Variants in DIPK2B observed in about 807,000 individuals in gnomAD.
The protein encoded by DIPK2B is UPF0672 protein CXorf36.
DIPK2B carries 15 observed loss-of-function variants against 22.2 expected under a neutral mutation model. The ratio of observed to expected loss-of-function variants is 0.68; its 90% CI spans 0.45 to 1.04. The LOEUF (loss-of-function observed/expected upper bound fraction) is 1.04. Among genes scored for constraint, DIPK2B ranks in the 50% least tolerant of loss-of-function variants. The probability of loss-of-function intolerance (pLI) is 0.00; values close to 1 mark genes in which losing one functional copy is unlikely to be tolerated. For synonymous variants in DIPK2B, 163 were observed against 153.2 expected (o/e 1.06, Z -0.47); for missense variants, 345 against 348.3 (o/e 0.99, Z 0.08).
chrX:45,187,567 G>A (rs771177076), intron 2 of DIPK2B, among the ~76,000 whole-genome samples: 1 of 110,829 alleles, frequency 9.0e-6, no homozygotes, highest in East Asian at 2.9e-4. Context: ...CAGCCCTGCC[G>A]TAGCTGTACT....
intron 2 of DIPK2B, among the ~76,000 whole-genome samples, chrX:45,182,725 G>A (rs1403923228): frequency 8.8e-6 from 1 of 113,168 alleles, no homozygotes; most frequent in Non-Finnish European, 1.9e-5. Context: ...ACGGATTCAC[G>A]CAACAACATG....
chrX:45,164,809 T>C (rs1438342178), intron 2 of DIPK2B, among the ~76,000 whole-genome samples: 1 of 111,870 alleles, frequency 8.9e-6, no homozygotes, highest in East Asian at 2.8e-4. Context: ...TAGTGGCACA[T>C]GCCTGTAGTC....
chrX:45,191,459 G>C lies in DIPK2B; in HGVS notation c.498+292C>G, dbSNP rs767915670. 11 of 320,799 alleles carry C rather than the reference G, an allele frequency of 3.4e-5. No individual in the cohort carries two copies. The East Asian group carries it at 5.8e-4, about 17-fold the overall frequency. 26.4% of individuals were successfully genotyped at this position (320,799 alleles called of 1,213,427 possible). On this transcript the variant is annotated intron_variant, in intron 2 of 4. Transcript: ENST00000398000. Reference sequence around the variant, plus strand: ...CCTGGCAGAGGGGTGGACTGGCAAGGGTCATCCTGTCAGATCTTCAGGCCA... The same window carrying C: ...CCTGGCAGAGGGGTGGACTGGCAAGCGTCATCCTGTCAGATCTTCAGGCCA...
intron 2 of DIPK2B, among the ~76,000 whole-genome samples, chrX:45,169,704 C>T (rs5952703): frequency 1.8e-5 from 2 of 111,180 alleles, no homozygotes; most frequent in Non-Finnish European, 3.8e-5. Context: ...CAGGCTGTGG[C>T]GTGCTTTGTA....
At chrX:45,162,333 TGGTTTAATACACAACA>T in intron 2 of DIPK2B, 1 of 720,094 alleles carries the variant, frequency 1.4e-6, no homozygotes, top group Middle Eastern at 8.0e-4. Context: ...TGTGTTGAAA[TGGTTTAATACACAACA>T]ATAGATAACT....
chrX:45,170,022 T>A (rs1569544821), intron 2 of DIPK2B, among the ~76,000 whole-genome samples: 1 of 109,886 alleles, frequency 9.1e-6, no homozygotes. Context: ...GGCGGGCAGA[T>A]CACTTGAGGT....
chrX:45,200,752 G>A lies in DIPK2B; in HGVS notation c.75C>T (p.Ala25=), dbSNP rs775117581. The A allele has an allele frequency of 5.0e-6, 6 of 1,211,166 alleles. No homozygotes were observed. Among genetic ancestry groups the A allele is most frequent in the Non-Finnish European group, 5.6e-6 (5 of 895,020 alleles). ...CTGGCAAGGAGAAAGAACAGCTCAG[G>A]GCTGAGACCCACAGCAGCAGGGCCA... ...GWLALLLWVS[A]LSCSFSLPAS... is the part of the protein sequence containing the mutation. Residue 25 remains alanine (A), a synonymous_variant, in exon 1 of 5, where the codon GCC becomes GCT. Transcript: ENST00000398000.
intron 2 of DIPK2B, among the ~76,000 whole-genome samples, chrX:45,168,421 T>C (rs1339324543): frequency 8.9e-6 from 1 of 112,093 alleles, no homozygotes; most frequent in Non-Finnish European, 1.9e-5. Flanking sequence ...ACAGAGTTGG[T>C]GGGGTGGGGT....
intron 2 of DIPK2B, among the ~76,000 whole-genome samples, chrX:45,165,439 C>T (rs1457031047): frequency 2.7e-5 from 3 of 111,431 alleles, no homozygotes; most frequent in Non-Finnish European, 5.7e-5. Context: ...TGACTCCTCA[C>T]ATCACATCAC....
intron 1 of DIPK2B, among the ~76,000 whole-genome samples, chrX:45,192,514 C>T (rs2047218341): frequency 1.8e-5 from 2 of 111,238 alleles, no homozygotes; most frequent in Admixed American, 9.5e-5. Context: ...ACTGCTTACC[C>T]TCTGACCAAT....
intron 2 of DIPK2B, among the ~76,000 whole-genome samples, chrX:45,170,273 G>A (rs2047073724): frequency 9.3e-6 from 1 of 107,197 alleles, no homozygotes; most frequent in Non-Finnish European, 1.9e-5. Context: ...AAGGAAGTTG[G>A]CCTTGGGATC....
rs763467999 is a variant in DIPK2B at position 45,200,772 on chromosome X, G to C, written c.55C>G (p.Leu19Val). Residue 19 changes from leucine (L) to valine (V), a missense_variant, in exon 1 of 5, where the codon CTG (leucine) becomes GTG (valine). Transcript: ENST00000398000. Reference protein sequence around the residue: ...AAALRPGWLALLLWVSALSCS... With the variant: ...AAALRPGWLAVLLWVSALSCS... The stretch of plus-strand genomic sequence containing the variant: ...CTCAGGGCTGAGACCCACAGCAGCA[G>C]GGCCAGCCAGCCAGGGCGGAGGGCG... 1.7e-6 allele frequency: 2 copies of C among 1,208,024 alleles called. No individual in the cohort carries two copies. The highest frequency in any genetic ancestry group is 3.5e-5 in the African/African-American group (2 of 57,559).
chrX:45,200,234 T>G (rs1192633592), intron 1 of DIPK2B, among the ~76,000 whole-genome samples: 1 of 111,522 alleles, frequency 9.0e-6, no homozygotes, highest in African/African-American at 3.3e-5. Flanking sequence ...CACCATTAAC[T>G]CTCACAATGA....
At chrX:45,197,242 CT>C (rs374897987) in intron 1 of DIPK2B, among the ~76,000 whole-genome samples, 1,163 of 99,844 alleles carry the variant, frequency 0.012, 20 homozygotes, top group African/African-American at 0.037. Context: ...ATGGTAATCA[CT>C]TTTTTTTTTT....
chrX:45,190,692 C>A (rs888551117), intron 2 of DIPK2B, among the ~76,000 whole-genome samples: 2 of 111,918 alleles, frequency 1.8e-5, no homozygotes, highest in Non-Finnish European at 3.8e-5. Context: ...CTTTTAGTGG[C>A]AGATACAAAA....
At chrX:45,183,387 G>C (rs1278379857) in intron 2 of DIPK2B, 1 of 112,101 alleles carries the variant, frequency 8.9e-6, no homozygotes, top group Non-Finnish European at 1.9e-5. Context: ...CCTGGCAAAT[G>C]ATATTGCTGA....
At chrX:45,192,928 G>A (rs980431294) in intron 1 of DIPK2B, among the ~76,000 whole-genome samples, 9 of 112,025 alleles carry the variant, frequency 8.0e-5, no homozygotes, top group African/African-American at 2.3e-4. Context: ...AGAGGAGTGC[G>A]CCACCACGCC....
rs142916210 is a variant in DIPK2B at position 45,151,862 on chromosome X, C to T, written c.1092G>A (p.Lys364=). The change falls in exon 5 of 5, where the codon AAG becomes AAA. Residue 364 remains lysine, a synonymous_variant. Transcript: ENST00000398000. ...TCCCCTGGAGAAGTCGAGGCAGCAA[C>T]TTCTGACACACCAGCACCAGGCTCT... ...EKQSLVLVCQ[K]LLPRLLQGRF... 953 of 1,210,112 alleles carry T rather than the reference C, an allele frequency of 7.9e-4. 3 individuals carry two copies. The African/African-American group carries it at 0.014, about 17-fold the overall frequency.
chrX:45,183,692 T>C (rs1264143843), intron 2 of DIPK2B, among the ~76,000 whole-genome samples: 1 of 111,770 alleles, frequency 8.9e-6, no homozygotes, highest in South Asian at 3.7e-4. Flanking sequence ...ACAGAATATA[T>C]GAACTTTAGT....
Sources: gnomAD v4.1 joint callset for allele counts (sites outside exome capture counted in the v4.1 genomes callset) on GRCh38, gnomAD v4.1.1 for gene constraint, MANE v1.5 for transcripts, NCBI Gene and HGNC (gene_info 2026-07-23, HGNC 2026-07-21) for gene names.